Variants in PGM5 observed in about 807,000 individuals in gnomAD.
The protein encoded by PGM5 is phosphoglucomutase 5.
PGM5 carries 23 observed loss-of-function variants against 59.2 expected under a neutral mutation model. The observed-to-expected ratio is 0.39, with a 90% CI of 0.28 to 0.55. PGM5 has a LOEUF of 0.55. PGM5 is among the 20% of genes least tolerant of loss of function. The pLI is 0.66. For missense variants in PGM5, 574 were observed against 748.3 expected, an observed-to-expected ratio of 0.77 and a Z score of 2.72; for synonymous variants, 214 against 286.0, an observed-to-expected ratio of 0.75 and a Z score of 2.54.
chr9:68,458,658 G>A (rs1305383743), intron 6 of PGM5, among the ~76,000 whole-genome samples: 1 of 152,092 alleles, frequency 6.6e-6, no homozygotes, highest in Non-Finnish European at 1.5e-5. Flanking sequence ...GGATTTTGAA[G>A]TTTAGACCAG....
At chr9:68,507,539 A>G (rs926261115) in intron 10 of PGM5, among the ~76,000 whole-genome samples, 2 of 152,108 alleles carry the variant, frequency 1.3e-5, no homozygotes, top group African/African-American at 4.8e-5. Flanking sequence ...GAGCAGGATA[A>G]TGTCTCAAAG....
At chr9:68,466,247 A>G in intron 7 of PGM5, 3 of 1,142,520 alleles carry the variant, frequency 2.6e-6, no homozygotes, top group Non-Finnish European at 3.3e-6. Context: ...TGTTGAAGGA[A>G]TTCTTCTTCT....
intron 6 of PGM5, among the ~76,000 whole-genome samples, chr9:68,463,951 G>A (rs1823895076): frequency 1.3e-5 from 2 of 152,030 alleles, no homozygotes; most frequent in Admixed American, 6.6e-5. Context: ...GATTGTATCT[G>A]GATAAACCAA....
chr9:68,468,135 T>G (rs1554685980), intron 7 of PGM5, among the ~76,000 whole-genome samples: 2 of 152,042 alleles, frequency 1.3e-5, no homozygotes, highest in African/African-American at 4.8e-5. Flanking sequence ...ACCCAGGAAT[T>G]AAGCCCAGTA....
Position 68,479,442 on chromosome 9 carries a change from A to T in PGM5, c.1184A>T (p.Asp395Val), listed in dbSNP as rs1480061329. 2 of 1,613,666 alleles carry T rather than the reference A, an allele frequency of 1.2e-6. No individual in the cohort carries two copies. Among genetic ancestry groups the T allele is most frequent in the Non-Finnish European group, 1.7e-6 (2 of 1,179,874 alleles). Reference sequence around the variant, plus strand: ...GGCTCTGACCACCTCCGAGAGAAGGATGGCCTGTGGGCTGTCTTGGTCTGG... The same window carrying T: ...GGCTCTGACCACCTCCGAGAGAAGGTTGGCCTGTGGGCTGTCTTGGTCTGG... Reference protein sequence around the residue: ...GTGSDHLREKDGLWAVLVWLS... With the variant: ...GTGSDHLREKVGLWAVLVWLS... Residue 395 changes from aspartate (D) to valine (V), a missense_variant, in exon 8 of 11, where the codon GAT becomes GTT. By Grantham distance (152) the Asp-to-Val change is radical (BLOSUM62 -3). This residue lies in a region of PGM5 where 300 missense variants were observed against 280.0 expected (regional missense o/e 1.07). Coordinates refer to ENST00000396396, the MANE Select transcript of PGM5 (RefSeq NM_021965.4).
At chr9:68,433,795 A>G (rs1554683200) in intron 6 of PGM5, among the ~76,000 whole-genome samples, 1 of 152,252 alleles carries the variant, frequency 6.6e-6, no homozygotes, top group African/African-American at 2.4e-5. Flanking sequence ...TAAAAATCAA[A>G]TACATAAATA....
chr9:68,404,683 G>A (rs1478174190), intron 6 of PGM5, among the ~76,000 whole-genome samples: 1 of 152,146 alleles, frequency 6.6e-6, no homozygotes, highest in Non-Finnish European at 1.5e-5. Flanking sequence ...GTCATTTGGA[G>A]TTCCAAGTTC....
intron 6 of PGM5, among the ~76,000 whole-genome samples, chr9:68,447,031 G>A (rs1823622749): frequency 6.6e-6 from 1 of 152,160 alleles, no homozygotes; most frequent in South Asian, 2.1e-4. Context: ...CCTTTTAAGG[G>A]AACGTGGTGC....
At chr9:68,476,285 T>C (rs1554686622) in intron 7 of PGM5, among the ~76,000 whole-genome samples, 1 of 152,196 alleles carries the variant, frequency 6.6e-6, no homozygotes, top group East Asian at 1.9e-4. Flanking sequence ...ACTATTATTA[T>C]TTTCCTCTGA....
At chr9:68,511,868 A>G (rs1362372140) in intron 10 of PGM5, among the ~76,000 whole-genome samples, 3 of 152,146 alleles carry the variant, frequency 2.0e-5, no homozygotes, top group Non-Finnish European at 4.4e-5. Flanking sequence ...TTTCCCTCCC[A>G]TTAACATCTC....
rs1021411463 is a variant in PGM5, at chr9:68,503,195, C to A, written c.1614+3834C>A. Among the ~76,000 whole-genome samples, 5 of 152,254 alleles carry A rather than the reference C, an allele frequency of 3.3e-5. No individual in the cohort carries two copies. The East Asian group carries it at 9.6e-4, about 29-fold the overall frequency. Reference sequence around the variant, plus strand: ...AGAACATATGATTTGTCATCTAAACCAGAATACAGATGCTCCTAGATTTAC... The same window carrying A: ...AGAACATATGATTTGTCATCTAAACAAGAATACAGATGCTCCTAGATTTAC... On this transcript the variant is annotated intron_variant, in intron 10 of 10. Transcript: ENST00000396396.
At chr9:68,383,722 G>A (rs1554678562) in intron 2 of PGM5, among the ~76,000 whole-genome samples, 1 of 111,252 alleles carries the variant, frequency 9.0e-6, no homozygotes, top group African/African-American at 3.4e-5. Context: ...GAAATGGCTT[G>A]CATTAAGATA....
At chr9:68,460,450 A>C (rs1823842476) in intron 6 of PGM5, among the ~76,000 whole-genome samples, 4 of 152,152 alleles carry the variant, frequency 2.6e-5, no homozygotes, top group Admixed American at 2.6e-4. Flanking sequence ...AGATAAAAAT[A>C]ATGTATCCTT....
At chr9:68,517,015 G>T (rs986952578) in intron 10 of PGM5, among the ~76,000 whole-genome samples, 2 of 151,508 alleles carry the variant, frequency 1.3e-5, no homozygotes, top group Non-Finnish European at 2.9e-5. Flanking sequence ...GGGACTACAG[G>T]CATGCACCAC....
chr9:68,365,691 A>G lies in PGM5; in HGVS notation c.261+8303A>G, dbSNP rs537322058. 3.4e-3 allele frequency among the ~76,000 whole-genome samples: 513 copies of G among 152,276 alleles called. 1 individual carries two copies. The highest frequency in any genetic ancestry group is 0.012 in the African/African-American group (493 of 41,568). The stretch of plus-strand genomic sequence containing the variant: ...GTTTGTACTAGTAGGTATTTTGTAT[A>G]AATATAATATTTAATTATTGCCTTT... On this transcript the variant is annotated intron_variant, in intron 1 of 10. Transcript: ENST00000396396.
At chr9:68,412,554 A>G (rs1822952455) in intron 6 of PGM5, among the ~76,000 whole-genome samples, 1 of 152,162 alleles carries the variant, frequency 6.6e-6, no homozygotes, top group South Asian at 2.1e-4. Context: ...GGATGAAATC[A>G]CCCTTCGTTG....
At chr9:68,522,960 G>T (rs2132120343) in intron 10 of PGM5, among the ~76,000 whole-genome samples, 1 of 152,256 alleles carries the variant, frequency 6.6e-6, no homozygotes. Context: ...TCATAATCCA[G>T]GATTACCATG....
At position 68,434,316 on chromosome 9, in the gene PGM5, C is replaced by CAAAAA. The variant is rs71353054; in HGVS notation, c.1044-30758_1044-30754dup. On this transcript the variant is annotated intron_variant, in intron 6 of 10. Transcript: ENST00000396396. ...TGGGCAACAGAGTGAGACTCCGTCT[C>CAAAAA]AAAAAAAAAAAAAAAAAAAAAAAGA... Among the ~76,000 whole-genome samples the CAAAAA allele has an allele frequency of 1.7e-3, 152 of 90,790 alleles. 1 individual carries two copies. Among genetic ancestry groups the CAAAAA allele is most frequent in the Middle Eastern group, 8.1e-3 (1 of 124 alleles). 59.6% of individuals were successfully genotyped at this position (90,790 alleles called of 152,430 possible).
intron 6 of PGM5, among the ~76,000 whole-genome samples, chr9:68,448,532 C>A (rs1332342684): frequency 2.6e-5 from 4 of 152,186 alleles, no homozygotes; most frequent in African/African-American, 9.7e-5. Flanking sequence ...AACTCTTTTT[C>A]TGTGTGCAGC....
Sources: allele counts gnomAD v4.1 joint callset (sites outside exome capture counted in the v4.1 genomes callset), GRCh38; gene constraint gnomAD v4.1.1; regional missense constraint gnomAD v4.1.1; transcripts MANE v1.5; gene names NCBI Gene and HGNC (gene_info 2026-07-23, HGNC 2026-07-21).